Variants in PTPRD observed in about 807,000 individuals in gnomAD.
PTPRD encodes receptor-type tyrosine-protein phosphatase delta.
Under a neutral mutation model 214.5 loss-of-function variants are expected in PTPRD, and 34 were observed. The ratio of observed to expected loss-of-function variants is 0.16; its 90% CI spans 0.12 to 0.21. The LOEUF (loss-of-function observed/expected upper bound fraction) is 0.21, where lower values mean the gene tolerates loss of function less well. Among genes scored for constraint, PTPRD ranks in the 10% least tolerant of loss-of-function variants. The probability of loss-of-function intolerance (pLI) is 1.00; values close to 1 mark genes in which losing one functional copy is unlikely to be tolerated. For missense variants in PTPRD, 2,545 were observed against 2,398.7 expected (o/e 1.06, Z -1.27); for synonymous variants, 1,128 against 845.7 (o/e 1.33, Z -5.79).
chr9:8,418,800 C>A (rs2094141723), intron 35 of PTPRD, among the ~76,000 whole-genome samples: 1 of 151,834 alleles, frequency 6.6e-6, no homozygotes, highest in East Asian at 1.9e-4. Flanking sequence ...TGAAAATAAC[C>A]CATTGGCTAA....
Position 8,858,796 on chromosome 9 carries a change from A to AACACACACACACAC in PTPRD, c.-103-124864_-103-124851dup, listed in dbSNP as rs71317379. On this transcript the variant is annotated intron_variant, in intron 11 of 45. Coordinates refer to ENST00000381196, the MANE Select transcript of PTPRD (RefSeq NM_002839.4). ...GGCAGGAGAGGTGGGTGAAGGAGGCAACACACACACACACACACACACACA... is the reference window on the plus strand; with the variant it reads ...GGCAGGAGAGGTGGGTGAAGGAGGCAACACACACACACACACACACACACACACACACACACACA... Among the ~76,000 whole-genome samples, 365 of 141,854 alleles carry AACACACACACACAC rather than the reference A, an allele frequency of 2.6e-3. 2 individuals are homozygous for AACACACACACACAC. The highest frequency in any genetic ancestry group is 0.024 in the South Asian group (99 of 4,118). The allele number at this position is 141,854 out of a possible 152,430, so 93.1% of individuals were successfully genotyped here. A position where few individuals can be genotyped will look rare whatever the true frequency, so the allele number is the denominator to read the frequency against.
chr9:9,385,032 T>C (rs2063467944), intron 9 of PTPRD, among the ~76,000 whole-genome samples: 1 of 152,166 alleles, frequency 6.6e-6, no homozygotes, highest in African/African-American at 2.4e-5. Flanking sequence ...AGGTGCTATT[T>C]GGGCAATAGG....
chr9:9,615,728 C>A (rs1251134414), intron 7 of PTPRD, among the ~76,000 whole-genome samples: 2 of 152,150 alleles, frequency 1.3e-5, no homozygotes, highest in East Asian at 3.9e-4. Context: ...TACCTTTGTG[C>A]CAGGCTCTTT....
chr9:9,305,925 G>C (rs986105249), intron 9 of PTPRD, among the ~76,000 whole-genome samples: 1 of 152,040 alleles, frequency 6.6e-6, no homozygotes, highest in Admixed American at 6.6e-5. Flanking sequence ...CAGCCCTGCT[G>C]AAACCTTGAT....
At chr9:8,784,482 T>C (rs895484651) in intron 11 of PTPRD, among the ~76,000 whole-genome samples, 6 of 152,224 alleles carry the variant, frequency 3.9e-5, no homozygotes, top group Admixed American at 3.3e-4. Context: ...GATCCTGGCA[T>C]AGAGAAGCCA....
chr9:10,293,729 G>C (rs1482369308), intron 3 of PTPRD, among the ~76,000 whole-genome samples: 1 of 151,896 alleles, frequency 6.6e-6, no homozygotes, highest in East Asian at 1.9e-4. Context: ...TATACTCCTT[G>C]GGGATGTTTT....
At chr9:8,330,328 G>C (rs879027232) in intron 44 of PTPRD, among the ~76,000 whole-genome samples, 1 of 152,004 alleles carries the variant, frequency 6.6e-6, no homozygotes, top group Admixed American at 6.6e-5. Flanking sequence ...TCCAGCTCTT[G>C]TAAGTACATT....
chr9:8,574,122 C>G (rs74844139), intron 14 of PTPRD, among the ~76,000 whole-genome samples: 5,445 of 151,908 alleles, frequency 0.036, 357 homozygotes, highest in African/African-American at 0.12. Flanking sequence ...AGATACTGCA[C>G]GGAACATGCT....
intron 7 of PTPRD, among the ~76,000 whole-genome samples, chr9:9,586,366 A>G (rs903271741): frequency 1.3e-5 from 2 of 152,050 alleles, no homozygotes; most frequent in African/African-American, 4.8e-5. Context: ...CAAATCTAGT[A>G]TAATTGGCAT....
intron 2 of PTPRD, among the ~76,000 whole-genome samples, chr9:10,580,999 T>C (rs959194690): frequency 1.3e-5 from 2 of 152,160 alleles, no homozygotes; most frequent in African/African-American, 4.8e-5. Context: ...CAGGAGCCTA[T>C]ATTGCAAACC....
intron 10 of PTPRD, among the ~76,000 whole-genome samples, chr9:9,087,672 A>C (rs1175939494): frequency 2.0e-5 from 3 of 152,116 alleles, no homozygotes; most frequent in African/African-American, 7.2e-5. Context: ...GGAAGTGAAT[A>C]TCCCAAACTA....
intron 11 of PTPRD, among the ~76,000 whole-genome samples, chr9:8,987,725 A>T (rs1279460336): frequency 1.3e-5 from 2 of 152,146 alleles, no homozygotes; most frequent in Non-Finnish European, 2.9e-5. Context: ...TCAGCCTTTA[A>T]GAATGAAGTT....
intron 9 of PTPRD, among the ~76,000 whole-genome samples, chr9:9,345,670 A>G (rs2048518361): frequency 1.3e-5 from 2 of 152,270 alleles, no homozygotes; most frequent in Admixed American, 1.3e-4. Flanking sequence ...TTCTGAAGGC[A>G]TATTATCTAG....
intron 9 of PTPRD, among the ~76,000 whole-genome samples, chr9:9,311,812 G>T (rs1404557933): frequency 6.6e-6 from 1 of 152,034 alleles, no homozygotes; most frequent in African/African-American, 2.4e-5. Context: ...CCTGTACTTT[G>T]CAAGCAATTG....
At chr9:9,229,696 C>CAAAAA (rs541640221) in intron 9 of PTPRD, among the ~76,000 whole-genome samples, 10 of 151,768 alleles carry the variant, frequency 6.6e-5, no homozygotes, top group African/African-American at 2.4e-4. Context: ...GCTGGGCTGA[C>CAAAAA]AAAAAAATAC....
intron 3 of PTPRD, among the ~76,000 whole-genome samples, chr9:10,045,214 T>C (rs2097366915): frequency 6.6e-6 from 1 of 151,778 alleles, no homozygotes; most frequent in South Asian, 2.1e-4. Context: ...ATCCCTTTAT[T>C]AACAGGCAAA....
At chr9:9,360,499 C>T (rs1676894221) in intron 9 of PTPRD, among the ~76,000 whole-genome samples, 2 of 150,942 alleles carry the variant, frequency 1.3e-5, no homozygotes, top group African/African-American at 4.8e-5. Flanking sequence ...GTGACAAGGT[C>T]TATGGGAGTG....
chr9:10,362,501 G>T (rs1405432716), intron 2 of PTPRD, among the ~76,000 whole-genome samples: 2 of 152,100 alleles, frequency 1.3e-5, no homozygotes, highest in Non-Finnish European at 2.9e-5. Context: ...AATGTCTAGA[G>T]AAGTCTACTT....
At chr9:8,510,222 C>T (rs148418760) in intron 21 of PTPRD, among the ~76,000 whole-genome samples, 409 of 152,108 alleles carry the variant, frequency 2.7e-3, no homozygotes, top group Non-Finnish European at 3.1e-3. Context: ...AGTCCAGGAG[C>T]GTGAGGCTAC....
Sources: gnomAD v4.1 joint callset for allele counts (sites outside exome capture counted in the v4.1 genomes callset) on GRCh38, gnomAD v4.1.1 for gene constraint, MANE v1.5 for transcripts, NCBI Gene and HGNC (gene_info 2026-07-23, HGNC 2026-07-21) for gene names.